The following SLC28A1 variants were observed in gnomAD, a reference collection of about 807,000 sequenced individuals.
SLC28A1 encodes the protein solute carrier family 28 member 1.
SLC28A1 carries 64 observed loss-of-function variants against 74.8 expected under a neutral mutation model. The observed-to-expected ratio is 0.86, with a 90% CI of 0.70 to 1.05. The LOEUF (loss-of-function observed/expected upper bound fraction) is 1.05, where lower values mean the gene tolerates loss of function less well. SLC28A1 is among the 50% of genes least tolerant of loss of function. SLC28A1 has a pLI of 0.00. For synonymous variants in SLC28A1, 359 were observed against 335.0 expected (o/e 1.07, Z -0.78); for missense variants, 828 against 822.8 (o/e 1.01, Z -0.08).
intron 1 of SLC28A1, among the ~76,000 whole-genome samples, chr15:84,885,892 G>A (rs1382605173): frequency 6.6e-6 from 1 of 152,124 alleles, no homozygotes; most frequent in Non-Finnish European, 1.5e-5. Context: ...TCAAATGACA[G>A]ATGAAGAAAA....
In SLC28A1 at chr15:84,920,703, G is replaced by GTGTGTGTGTGTGTGTGTGTGTGTGT. The variant is rs113735505; in HGVS notation, c.877-286_877-285insTGTGTGTGTGTGTGTGTGTGTGTGT. ...TAATGTGTATTGGTAATCTCCAAGG[G>GTGTGTGTGTGTGTGTGTGTGTGTGT]GTGTGTGTGTGTGTGTGTGTGCATT... On this transcript the variant is annotated intron_variant, in intron 10 of 18. Transcript: ENST00000394573. 9.7e-4 allele frequency among the ~76,000 whole-genome samples: 133 copies of GTGTGTGTGTGTGTGTGTGTGTGTGT among 137,396 alleles called. 1 individual carries two copies. The highest frequency in any genetic ancestry group is 3.5e-3 in the South Asian group (16 of 4,516). 90.1% of individuals were successfully genotyped at this position (137,396 alleles called of 152,430 possible). A position where few individuals can be genotyped will look rare whatever the true frequency, so the allele number is the denominator to read the frequency against.
At position 84,888,703 on chromosome 15, in the gene SLC28A1, A is replaced by C. The variant is rs17215920; in HGVS notation, c.97-69A>C. Reference sequence around the variant, plus strand: ...AGCCAGGGTCTCACCGTGGCCCCCGACCCCCAGCTGTAAGTTCCTGGGGGT... The same window carrying C: ...AGCCAGGGTCTCACCGTGGCCCCCGCCCCCCAGCTGTAAGTTCCTGGGGGT... On this transcript the variant is annotated intron_variant, in intron 3 of 18. Coordinates refer to ENST00000394573, the MANE Select transcript of SLC28A1 (RefSeq NM_004213.5). 9.7e-3 allele frequency: 11,036 copies of C among 1,133,900 alleles called. 77 individuals carry two copies. Among genetic ancestry groups the C allele is most frequent in the East Asian group, 0.017 (673 of 38,918 alleles). 70.2% of individuals were successfully genotyped at this position (1,133,900 alleles called of 1,614,324 possible). A position where few individuals can be genotyped will look rare whatever the true frequency, so the allele number is the denominator to read the frequency against.
rs1567113557 is a variant in SLC28A1, at chr15:84,889,665, CTTCCTTCCTTCTTTCCTTCCTTCCTTCT to C, written c.186-766_186-739del. Among the ~76,000 whole-genome samples, 781 of 121,388 alleles carry C rather than the reference CTTCCTTCCTTCTTTCCTTCCTTCCTTCT, an allele frequency of 6.4e-3. 17 individuals are homozygous for C. Among genetic ancestry groups the C allele is most frequent in the South Asian group, 0.037 (137 of 3,704 alleles). 79.6% of individuals were successfully genotyped at this position (121,388 alleles called of 152,430 possible). On this transcript the variant is annotated intron_variant, in intron 4 of 18. Transcript: ENST00000394573. ...TTTCTTTTCCTTTTTCTTTTCTTTC[CTTCCTTCCTTCTTTCCTTCCTTCCTTCT>C]TTCCTTCCTTCCTTCTTTCCTTCCT...
chr15:84,906,018 C>CTTTTT (rs34746940), intron 8 of SLC28A1, among the ~76,000 whole-genome samples: 1 of 139,264 alleles, frequency 7.2e-6, no homozygotes, highest in Non-Finnish European at 1.5e-5. Flanking sequence ...CATTTTTGTT[C>CTTTTT]TTTTTTTTTT....
chr15:84,952,638 C>A, the SLC28A1 span, among the ~76,000 whole-genome samples: 17 of 152,224 alleles, frequency 1.1e-4, no homozygotes, highest in Non-Finnish European at 2.4e-4. Flanking sequence ...GTAATCCCAG[C>A]ACTTTGGGAG....
At chr15:84,893,091 G>T (rs746163780) in intron 5 of SLC28A1, among the ~76,000 whole-genome samples, 1 of 118,850 alleles carries the variant, frequency 8.4e-6, no homozygotes, top group East Asian at 2.5e-4. Flanking sequence ...TTCCTGGCCC[G>T]CCCCGACCAC....
At chr15:84,937,898 A>AAAAC (rs1972135446) in intron 15 of SLC28A1, among the ~76,000 whole-genome samples, 1 of 149,404 alleles carries the variant, frequency 6.7e-6, no homozygotes, top group Non-Finnish European at 1.5e-5. Flanking sequence ...CTCTGTCTCA[A>AAAAC]AAAACAAAAC....
the SLC28A1 span, among the ~76,000 whole-genome samples, chr15:84,953,957 T>C: frequency 1.3e-5 from 2 of 152,208 alleles, no homozygotes; most frequent in Non-Finnish European, 2.9e-5. Flanking sequence ...ACTCTAGGGC[T>C]CTGCCTACCG....
At chr15:84,966,577 T>A in the SLC28A1 span, among the ~76,000 whole-genome samples, 1 of 152,148 alleles carries the variant, frequency 6.6e-6, no homozygotes, top group Non-Finnish European at 1.5e-5. Context: ...AAGACTTACC[T>A]GAGACTGGGC....
the SLC28A1 span, among the ~76,000 whole-genome samples, chr15:84,969,678 C>CT: frequency 6.6e-6 from 1 of 152,180 alleles, no homozygotes; most frequent in African/African-American, 2.4e-5. Context: ...TCTTTTGTAT[C>CT]TGTGAGAAGC....
At chr15:84,923,650 C>T (rs77978774) in intron 11 of SLC28A1, among the ~76,000 whole-genome samples, 55 of 152,216 alleles carry the variant, frequency 3.6e-4, no homozygotes, top group Non-Finnish European at 2.2e-4. Flanking sequence ...TGGAACCCCA[C>T]CGAACCTCTG....
intron 9 of SLC28A1, among the ~76,000 whole-genome samples, chr15:84,911,806 C>T (rs553871256): frequency 5.5e-4 from 76 of 139,268 alleles, no homozygotes; most frequent in African/African-American, 1.7e-3. Flanking sequence ...TTGCAGTGAG[C>T]GGAGACTGCA....
rs1366684721 is a variant in SLC28A1 at position 84,945,415 on chromosome 15, C to T, written c.*215C>T. 2 of 581,624 alleles carry T rather than the reference C, an allele frequency of 3.4e-6. No individual in the cohort carries two copies. Among genetic ancestry groups the T allele is most frequent in the Non-Finnish European group, 6.3e-6 (2 of 319,510 alleles). The allele number at this position is 581,624 out of a possible 1,614,324, so 36.0% of individuals were successfully genotyped here. On this transcript the variant is annotated 3_prime_UTR_variant, in exon 19 of 19. Transcript: ENST00000394573. The stretch of plus-strand genomic sequence containing the variant: ...GTCCCACTCCATCCCCCTTCCTGCT[C>T]CCCCATTTCCTAACTCCCCCAGTGT...
intron 18 of SLC28A1, 122 bp from the exon 19 acceptor site, chr15:84,945,003 G>C: frequency 9.0e-7 from 1 of 1,108,800 alleles, no homozygotes; most frequent in Non-Finnish European, 1.4e-6. Context: ...GTGAAGGCTC[G>C]AGGACCAATG....
chr15:84,966,150 T>G, the SLC28A1 span, among the ~76,000 whole-genome samples: 1 of 152,128 alleles, frequency 6.6e-6, no homozygotes, highest in African/African-American at 2.4e-5. Flanking sequence ...CAGTCTTGGC[T>G]CCCTGCAACC....
intron 9 of SLC28A1, among the ~76,000 whole-genome samples, chr15:84,910,813 G>A (rs1229224132): frequency 6.6e-6 from 1 of 152,236 alleles, no homozygotes; most frequent in Non-Finnish European, 1.5e-5. Flanking sequence ...TTCAAGTGCA[G>A]TAACGGAGGG....
At chr15:84,958,044 T>A in the SLC28A1 span, among the ~76,000 whole-genome samples, 11 of 152,234 alleles carry the variant, frequency 7.2e-5, no homozygotes, top group African/African-American at 4.8e-5. Flanking sequence ...ATTTATTAAA[T>A]TTATTCCTAA....
chr15:84,944,906 G>A (rs1160329110), intron 18 of SLC28A1, 39 bp downstream of exon 18: 2 of 1,420,040 alleles, frequency 1.4e-6, no homozygotes, highest in South Asian at 1.2e-5. Context: ...GGCACCCACA[G>A]TGATAGACAG....
intron 8 of SLC28A1, among the ~76,000 whole-genome samples, chr15:84,906,552 CT>C (rs1567140223): frequency 3.9e-4 from 33 of 85,402 alleles, no homozygotes; most frequent in East Asian, 2.6e-3. Context: ...TTCTTTCTTT[CT>C]TTCTTTCTTT....
Sources: allele counts gnomAD v4.1 joint callset (sites outside exome capture counted in the v4.1 genomes callset), GRCh38; gene constraint gnomAD v4.1.1; transcripts MANE v1.5; gene names NCBI Gene and HGNC (gene_info 2026-07-23, HGNC 2026-07-21).